TVP23A: variants seen among roughly 807,000 people sequenced by gnomAD.
TVP23A encodes Golgi apparatus membrane protein TVP23 homolog A.
Under a neutral mutation model 31.7 loss-of-function variants are expected in TVP23A, and 21 were observed. The observed-to-expected ratio is 0.66, with a 90% CI of 0.47 to 0.95. The LOEUF (loss-of-function observed/expected upper bound fraction) is 0.95, where lower values mean the gene tolerates loss of function less well. Ranked by LOEUF, TVP23A falls within the 40% of genes least tolerant of loss-of-function variation. The pLI is 0.00. For synonymous variants in TVP23A, 104 were observed against 96.0 expected (o/e 1.08, Z -0.49); for missense variants, 279 against 255.6 (o/e 1.09, Z -0.62).
intron 2 of TVP23A, among the ~76,000 whole-genome samples, chr16:10,796,128 G>A (rs1335965726): frequency 1.3e-5 from 2 of 152,000 alleles, no homozygotes; most frequent in African/African-American, 2.4e-5. Flanking sequence ...CAAGAGGATC[G>A]CTTGAGCCCA....
At chr16:10,802,904 C>T (rs1455432627) in intron 2 of TVP23A, among the ~76,000 whole-genome samples, 1 of 152,116 alleles carries the variant, frequency 6.6e-6, no homozygotes, top group Non-Finnish European at 1.5e-5. Flanking sequence ...TTAAATTGCG[C>T]AAGGATACAG....
In TVP23A at chr16:10,777,240, T is replaced by G. The variant is rs150184892; in HGVS notation, c.90-2144A>C. On this transcript the variant is annotated intron_variant, in intron 2 of 7. Coordinates refer to ENST00000299866, the MANE Select transcript of TVP23A (RefSeq NM_001079512.4). This position sits in a 1 kb window ranked among gnomAD's most constrained non-coding sequence, Gnocchi z 4.5. ...CAGCTGTGCAAACCAGACCCAGTAC[T>G]GCCAGAGCCAAGATTTTCATGAGAA... 0.013 allele frequency among the ~76,000 whole-genome samples: 1,987 copies of G among 152,254 alleles called. 32 individuals are homozygous for G. Among genetic ancestry groups the G allele is most frequent in the Middle Eastern group, 0.024 (7 of 294 alleles).
intron 2 of TVP23A, among the ~76,000 whole-genome samples, chr16:10,811,461 G>C (rs1418120294): frequency 6.6e-6 from 1 of 151,772 alleles, no homozygotes; most frequent in Non-Finnish European, 1.5e-5. Context: ...TAGATAACGG[G>C]GTTTTGCCAT....
At chr16:10,813,713 T>C (rs2034303898) in intron 2 of TVP23A, among the ~76,000 whole-genome samples, 1 of 152,260 alleles carries the variant, frequency 6.6e-6, no homozygotes, top group Non-Finnish European at 1.5e-5. Flanking sequence ...CAGTTAAGAA[T>C]TCCCTTTCTA....
In TVP23A at chr16:10,796,385, G is replaced by A. The variant is rs147889037; in HGVS notation, c.90-21289C>T. Among the ~76,000 whole-genome samples the A allele has an allele frequency of 5.5e-4, 83 of 152,184 alleles. No homozygotes were observed. The East Asian group carries it at 0.015, about 27-fold the overall frequency. On this transcript the variant is annotated intron_variant, in intron 2 of 7. Transcript: ENST00000299866. Reference sequence around the variant, plus strand: ...AAGATAAGAAAGAGAGAGCGAGAGAGAGGAGAGGGTGAGAAGCCTATGTAG... The same window carrying A: ...AAGATAAGAAAGAGAGAGCGAGAGAAAGGAGAGGGTGAGAAGCCTATGTAG...
At chr16:10,763,896 A>G, downstream of TVP23A, 1 of 174,390 alleles carries the variant, frequency 5.7e-6, no homozygotes, top group Non-Finnish European at 1.2e-5. Context: ...CCAAGGGAGC[A>G]TCCCAGCCCT....
At chr16:10,757,511 G>C (rs1285833069), downstream of TVP23A, among the ~76,000 whole-genome samples, 1 of 152,118 alleles carries the variant, frequency 6.6e-6, no homozygotes, top group Non-Finnish European at 1.5e-5. The surrounding 1 kb of genome is among the most constrained non-coding windows in gnomAD (Gnocchi z 4.1). Context: ...CTACACCATA[G>C]GGTGTTAAAC....
At chr16:10,784,722 T>C (rs1264826109) in intron 2 of TVP23A, among the ~76,000 whole-genome samples, 1 of 152,206 alleles carries the variant, frequency 6.6e-6, no homozygotes, top group Non-Finnish European at 1.5e-5. Flanking sequence ...ATGTTTAAAA[T>C]GGAGAAATTG....
intron 2 of TVP23A, among the ~76,000 whole-genome samples, chr16:10,782,354 G>A (rs776407628): frequency 5.9e-5 from 9 of 152,256 alleles, no homozygotes; most frequent in Admixed American, 2.6e-4. Context: ...TTGCTGGCCT[G>A]CCCCTTGCTC....
Position 10,818,624 on chromosome 16 carries a change from C to A in TVP23A, c.-131G>T. 1 of 1,181,360 alleles carries A rather than the reference C, an allele frequency of 8.5e-7. No homozygotes were observed. The highest frequency in any genetic ancestry group is 1.1e-6 in the Non-Finnish European group (1 of 879,116). The allele number at this position is 1,181,360 out of a possible 1,614,324, so 73.2% of individuals were successfully genotyped here. A position where few individuals can be genotyped will look rare whatever the true frequency, so the allele number is the denominator to read the frequency against. On this transcript the variant is annotated 5_prime_UTR_variant, in exon 1 of 8. Transcript: ENST00000299866. This position sits in a 1 kb window ranked among gnomAD's most constrained non-coding sequence, Gnocchi z 4.7. ...GGACGCTGAGGGTCGGGGCCTGCGC[C>A]CTGTGGGGCAGCCTCAGCGCAGCTT...
downstream of TVP23A, among the ~76,000 whole-genome samples, chr16:10,766,381 GGA>G (rs1266559553): frequency 6.6e-6 from 1 of 152,186 alleles, no homozygotes; most frequent in Non-Finnish European, 1.5e-5. The surrounding 1 kb of genome is among the most constrained non-coding windows in gnomAD (Gnocchi z 4.8). Context: ...GCCCGTTCTT[GGA>G]GAGGTGGGAG....
At chr16:10,782,834 C>T (rs561250106) in intron 2 of TVP23A, among the ~76,000 whole-genome samples, 3 of 152,248 alleles carry the variant, frequency 2.0e-5, no homozygotes, top group African/African-American at 7.2e-5. Context: ...AACACAGTCA[C>T]ACCCACTCAT....
chr16:10,774,904 A>G, intron 3 of TVP23A, 48 bp downstream of exon 3: 1 of 1,556,120 alleles, frequency 6.4e-7, no homozygotes, highest in Non-Finnish European at 8.8e-7. Context: ...CACACAGGGG[A>G]CAAGCCTCGT....
chr16:10,788,257 G>A, intron 2 of TVP23A, among the ~76,000 whole-genome samples: 1 of 150,280 alleles, frequency 6.7e-6, no homozygotes, highest in East Asian at 1.9e-4. Context: ...GTTAAGATGA[G>A]GGGTTGTGAG....
rs372013054 is a variant in TVP23A at position 10,773,412 on chromosome 16, T to G, written c.354A>C (p.Glu118Asp). 18 of 1,609,976 alleles carry G rather than the reference T, an allele frequency of 1.1e-5. No individual in the cohort carries two copies. The African/African-American group carries it at 2.0e-4, about 18-fold the overall frequency. Residue 118 changes from glutamate to aspartate, a missense_variant, in exon 5 of 8, where the codon GAA (glutamate) becomes GAC (aspartate). Glu to Asp is a conservative substitution (Grantham distance 45). Transcript: ENST00000299866. ...CCAGCCAGAAGATTCGTGCTTCAGCTTCTGTGGCAGCAATGCTATTCGGAG... is the reference window on the plus strand; with the variant it reads ...CCAGCCAGAAGATTCGTGCTTCAGCGTCTGTGGCAGCAATGCTATTCGGAG... ...KVSPNSIAAT[E>D]AEARIFWLGL...
intron 2 of TVP23A, among the ~76,000 whole-genome samples, chr16:10,795,341 C>T (rs1181422044): frequency 6.6e-6 from 1 of 151,924 alleles, no homozygotes; most frequent in Non-Finnish European, 1.5e-5. Context: ...ACCTCCACCT[C>T]CCGGGTTCAA....
chr16:10,805,425 T>C (rs980370064), intron 2 of TVP23A, among the ~76,000 whole-genome samples: 1 of 151,858 alleles, frequency 6.6e-6, no homozygotes, highest in Non-Finnish European at 1.5e-5. Flanking sequence ...TGGAGTCAGT[T>C]GGCTGACTGT....
At chr16:10,780,089 A>AAATGAATGAATG (rs4028816) in intron 2 of TVP23A, among the ~76,000 whole-genome samples, 24 of 149,084 alleles carry the variant, frequency 1.6e-4, no homozygotes, top group African/African-American at 5.7e-4. Flanking sequence ...CTCCATCTCA[A>AAATGAATGAATG]AATGAATGAA....
chr16:10,773,180 T>C (rs955215915), intron 5 of TVP23A, 133 bp downstream of exon 5: 24 of 1,188,596 alleles, frequency 2.0e-5, no homozygotes, highest in Middle Eastern at 2.3e-4. Context: ...TTGTATGGAA[T>C]GTGTATTATA....
Sources: allele counts gnomAD v4.1 joint callset (sites outside exome capture counted in the v4.1 genomes callset), GRCh38; gene constraint gnomAD v4.1.1; non-coding constraint Gnocchi (gnomAD v3.1); transcripts MANE v1.5; gene names NCBI Gene and HGNC (gene_info 2026-07-23, HGNC 2026-07-21).